Variants in TMEM217B observed in about 807,000 individuals in gnomAD.
TMEM217B encodes transmembrane protein 217B, also known as putative transmembrane protein 217B.
chr6:37,247,489 G>A, the TMEM217B span, among the ~76,000 whole-genome samples: 1 of 151,550 alleles, frequency 6.6e-6, no homozygotes, highest in Admixed American at 6.6e-5. Context: ...CCGGGTTAAA[G>A]CAATTCTACT....
chr6:37,217,582 C>G, the TMEM217B span: 14 of 962,756 alleles, frequency 1.5e-5, no homozygotes, highest in Non-Finnish European at 1.7e-5. Context: ...AAGGAAGTGC[C>G]TTTCACACTC....
At chr6:37,216,759 G>T in the TMEM217B span, among the ~76,000 whole-genome samples, 1 of 152,284 alleles carries the variant, frequency 6.6e-6, no homozygotes, top group South Asian at 2.1e-4. Context: ...CCTTTAGGAG[G>T]TGATTGAATC....
At chr6:37,212,618 G>A in the TMEM217B span, 14 of 502,368 alleles carry the variant, frequency 2.8e-5, no homozygotes, top group Admixed American at 3.2e-4. Context: ...AAATAACTCA[G>A]CGTCTTGAAG....
the TMEM217B span, chr6:37,218,493 T>C: frequency 6.2e-7 from 1 of 1,614,114 alleles, no homozygotes; most frequent in Non-Finnish European, 8.5e-7. Flanking sequence ...GATAATCTTT[T>C]ATTTCTGCTG....
chr6:37,232,871 T>G, the TMEM217B span, among the ~76,000 whole-genome samples: 1 of 152,224 alleles, frequency 6.6e-6, no homozygotes, highest in African/African-American at 2.4e-5. Context: ...CTGGCAACTC[T>G]TTCTCAGACT....
At chr6:37,232,459 A>C in the TMEM217B span, among the ~76,000 whole-genome samples, 1 of 152,216 alleles carries the variant, frequency 6.6e-6, no homozygotes, top group East Asian at 1.9e-4. Context: ...AATCTTGGCT[A>C]ACTGAAAGCT....
the TMEM217B span, among the ~76,000 whole-genome samples, chr6:37,243,267 A>C: frequency 3.3e-5 from 5 of 152,176 alleles, no homozygotes; most frequent in African/African-American, 4.8e-5. Flanking sequence ...TTTAGTTATA[A>C]ATTCGGTTGG....
chr6:37,215,861 G>C, the TMEM217B span, among the ~76,000 whole-genome samples: 1 of 152,160 alleles, frequency 6.6e-6, no homozygotes, highest in Non-Finnish European at 1.5e-5. Context: ...AGCCATTTTG[G>C]AAACAGCAAG....
At chr6:37,253,276 C>T in the TMEM217B span, among the ~76,000 whole-genome samples, 2 of 151,880 alleles carry the variant, frequency 1.3e-5, no homozygotes, top group African/African-American at 2.4e-5. Flanking sequence ...TTTCATTTTC[C>T]CCTGTTTATT....
chr6:37,251,321 T>C, the TMEM217B span, among the ~76,000 whole-genome samples: 2 of 152,258 alleles, frequency 1.3e-5, no homozygotes, highest in Non-Finnish European at 2.9e-5. Flanking sequence ...CTATGATATT[T>C]TGTTATAGCA....
At chr6:37,218,942 A>G in the TMEM217B span, 7 of 1,614,184 alleles carry the variant, frequency 4.3e-6, no homozygotes, top group Non-Finnish European at 5.9e-6. Flanking sequence ...TTCAAAGATG[A>G]GATACATGTC....
At chr6:37,252,637 ATTTTTTTTT>A in the TMEM217B span, among the ~76,000 whole-genome samples, 1,245 of 71,184 alleles carry the variant, frequency 0.017, 11 homozygotes, top group Non-Finnish European at 0.025. Flanking sequence ...ATATATATAT[ATTTTTTTTT>A]TTTTTTTTTT....
At chr6:37,257,670 G>T in the TMEM217B span, 1,097 of 523,284 alleles carry the variant, frequency 2.1e-3, 5 homozygotes, top group Non-Finnish European at 1.8e-3. Context: ...TGACGTTACC[G>T]GTCGGCTTCA....
the TMEM217B span, chr6:37,257,806 G>A: frequency 5.8e-6 from 7 of 1,201,292 alleles, no homozygotes; most frequent in African/African-American, 1.5e-5. Flanking sequence ...GCTGGGAGCG[G>A]GTGACCGGCG....
At chr6:37,227,914 AT>A in the TMEM217B span, among the ~76,000 whole-genome samples, 46 of 152,264 alleles carry the variant, frequency 3.0e-4, no homozygotes, top group African/African-American at 1.1e-3. Context: ...TAGGAAAAAA[AT>A]GATCCAATAC....
At chr6:37,212,976 C>T in the TMEM217B span, 2 of 1,543,992 alleles carry the variant, frequency 1.3e-6, no homozygotes, top group Non-Finnish European at 8.8e-7. Flanking sequence ...TCATTTTATA[C>T]TTGTTTTACC....
the TMEM217B span, among the ~76,000 whole-genome samples, chr6:37,250,049 T>TG: frequency 6.6e-6 from 1 of 152,220 alleles, no homozygotes. Flanking sequence ...TATTATAAAA[T>TG]GGACTATTAC....
At chr6:37,218,342 A>AT in the TMEM217B span, 46 of 1,252,918 alleles carry the variant, frequency 3.7e-5, no homozygotes, top group East Asian at 9.9e-5. Flanking sequence ...CTAATTTTCT[A>AT]TTTTTTTTAG....
the TMEM217B span, among the ~76,000 whole-genome samples, chr6:37,249,302 A>T: frequency 6.6e-6 from 1 of 151,678 alleles, no homozygotes; most frequent in African/African-American, 2.4e-5. Context: ...ATTTCTTTTC[A>T]TTCTTCTTCT....
Sources: allele counts gnomAD v4.1 joint callset (sites outside exome capture counted in the v4.1 genomes callset), GRCh38; gene constraint gnomAD v4.1.1; transcripts MANE v1.5; gene names NCBI Gene and HGNC (gene_info 2026-07-23, HGNC 2026-07-21).